The following WWOX variants were observed in gnomAD, a reference collection of about 807,000 sequenced individuals.
WWOX encodes WW domain containing oxidoreductase.
WWOX carries 69 observed loss-of-function variants against 46.2 expected under a neutral mutation model. The observed-to-expected ratio is 1.49, with a 90% CI of 1.23 to 1.82. WWOX has a LOEUF of 1.82. Ranked by LOEUF, WWOX falls within the 40% of genes most tolerant of loss-of-function variation. The pLI, the probability that WWOX is intolerant of heterozygous loss-of-function variation, is 0.00. For synonymous variants in WWOX, 359 were observed against 202.6 expected (o/e 1.77, Z -6.56); for missense variants, 919 against 542.6 (o/e 1.69, Z -6.89).
intron 8 of WWOX, among the ~76,000 whole-genome samples, chr16:78,549,444 C>A (rs564078085): frequency 1.3e-5 from 2 of 152,226 alleles, no homozygotes; most frequent in South Asian, 2.1e-4. Flanking sequence ...CCTTTAATCT[C>A]TTCAGGGTTT....
At chr16:78,102,195 G>A (rs996306933) in intron 1 of WWOX, among the ~76,000 whole-genome samples, 1 of 152,174 alleles carries the variant, frequency 6.6e-6, no homozygotes, top group Admixed American at 6.5e-5. Context: ...ACAGGCCTGA[G>A]GCACTGTGCC....
intron 8 of WWOX, among the ~76,000 whole-genome samples, chr16:78,994,026 C>T (rs2046940226): frequency 1.3e-5 from 2 of 152,268 alleles, no homozygotes; most frequent in East Asian, 1.9e-4. Context: ...CCCTGGACCC[C>T]TGTCCTAAAT....
At chr16:78,831,241 C>T (rs1246839800) in intron 8 of WWOX, among the ~76,000 whole-genome samples, 1 of 152,148 alleles carries the variant, frequency 6.6e-6, no homozygotes, top group African/African-American at 2.4e-5. Flanking sequence ...CCCTCATTTC[C>T]CCCTTTATAA....
chr16:79,021,003 A>G (rs995425009), intron 8 of WWOX, among the ~76,000 whole-genome samples: 1 of 152,176 alleles, frequency 6.6e-6, no homozygotes, highest in African/African-American at 2.4e-5. Context: ...GTTATTCAGC[A>G]TGGGTGGAAG....
intron 8 of WWOX, among the ~76,000 whole-genome samples, chr16:78,739,259 C>T (rs1339899510): frequency 6.6e-6 from 1 of 152,108 alleles, no homozygotes; most frequent in Admixed American, 6.5e-5. Context: ...GTTTGTGGTT[C>T]ATGGAAGGGT....
intron 8 of WWOX, among the ~76,000 whole-genome samples, chr16:78,962,596 C>G (rs537598789): frequency 1.3e-5 from 2 of 152,200 alleles, no homozygotes; most frequent in South Asian, 2.1e-4. Flanking sequence ...ATGCCTGGCA[C>G]AGGAAGAGGA....
Position 79,211,213 on chromosome 16 carries a change from G to C in WWOX, c.1057-395G>C, listed in dbSNP as rs541713425. 2.6e-5 allele frequency among the ~76,000 whole-genome samples: 4 copies of C among 152,262 alleles called. 1 individual carries two copies. The South Asian group carries it at 6.2e-4, about 24-fold the overall frequency. On this transcript the variant is annotated intron_variant, in intron 8 of 8. Transcript: ENST00000566780. ...TTGTCAGACAGAAGGTTCTACAAAC[G>C]ATTTGGTATCGAATTACATTATACA...
intron 8 of WWOX, among the ~76,000 whole-genome samples, chr16:78,741,963 T>C (rs2049238597): frequency 6.6e-6 from 1 of 152,184 alleles, no homozygotes. Flanking sequence ...TAACTGGACA[T>C]TATCTCTGTC....
At chr16:79,074,785 A>G (rs969389168) in intron 8 of WWOX, among the ~76,000 whole-genome samples, 1 of 152,168 alleles carries the variant, frequency 6.6e-6, no homozygotes, top group Non-Finnish European at 1.5e-5. Context: ...GTTATTTGCA[A>G]AATCAAATGC....
At chr16:78,906,469 G>A (rs928165670) in intron 8 of WWOX, among the ~76,000 whole-genome samples, 2 of 152,132 alleles carry the variant, frequency 1.3e-5, no homozygotes, top group South Asian at 2.1e-4. Context: ...CATCAGCAGG[G>A]AGTTTTCTGT....
chr16:78,576,027 C>G (rs2044870668), intron 8 of WWOX, among the ~76,000 whole-genome samples: 1 of 151,866 alleles, frequency 6.6e-6, no homozygotes. Flanking sequence ...ATTTATGAGG[C>G]TTTTTTTAAT....
intron 8 of WWOX, among the ~76,000 whole-genome samples, chr16:78,964,230 A>G (rs943776530): frequency 1.3e-5 from 2 of 151,992 alleles, no homozygotes; most frequent in Non-Finnish European, 2.9e-5. Context: ...GGGAGGTCTC[A>G]GAAGAAGACA....
At chr16:78,911,538 A>G (rs566952939) in intron 8 of WWOX, among the ~76,000 whole-genome samples, 1 of 151,796 alleles carries the variant, frequency 6.6e-6, no homozygotes, top group Non-Finnish European at 1.5e-5. Context: ...ATGAAATAAG[A>G]CTCTTAGGAA....
chr16:78,884,087 G>C (rs893418945), intron 8 of WWOX, among the ~76,000 whole-genome samples: 1 of 151,798 alleles, frequency 6.6e-6, no homozygotes, highest in East Asian at 1.9e-4. Context: ...AAGACCAGCT[G>C]GGCCAACATG....
chr16:78,149,117 A>G (rs539721291), intron 4 of WWOX, among the ~76,000 whole-genome samples: 93 of 152,114 alleles, frequency 6.1e-4, no homozygotes, highest in African/African-American at 2.1e-3. Context: ...TTGGCCTCCT[A>G]AAGTGCTGGG....
chr16:78,321,009 C>G (rs1205715648), intron 5 of WWOX, among the ~76,000 whole-genome samples: 1 of 152,068 alleles, frequency 6.6e-6, no homozygotes, highest in Non-Finnish European at 1.5e-5. Flanking sequence ...TTATAATGTA[C>G]TCACACCTTA....
chr16:78,434,439 C>A (rs114410352), intron 8 of WWOX, among the ~76,000 whole-genome samples: 170 of 152,248 alleles, frequency 1.1e-3, no homozygotes, highest in African/African-American at 4.0e-3. Context: ...TTTGTTGTGT[C>A]CTTCAGTTTA....
chr16:78,657,666 G>A (rs559161092), intron 8 of WWOX, among the ~76,000 whole-genome samples: 2 of 152,252 alleles, frequency 1.3e-5, no homozygotes, highest in African/African-American at 4.8e-5. Flanking sequence ...TTCCTTGGAT[G>A]TGATGGAAGT....
At chr16:79,073,746 T>C (rs776640873) in intron 8 of WWOX, among the ~76,000 whole-genome samples, 45 of 152,170 alleles carry the variant, frequency 3.0e-4, no homozygotes, top group Non-Finnish European at 8.8e-5. Context: ...AGCAGAACTG[T>C]CGTATCTCAG....
Sources: gnomAD v4.1 joint callset for allele counts (sites outside exome capture counted in the v4.1 genomes callset) on GRCh38, gnomAD v4.1.1 for gene constraint, MANE v1.5 for transcripts, NCBI Gene and HGNC (gene_info 2026-07-23, HGNC 2026-07-21) for gene names.